GUCY1A2: variants seen among roughly 807,000 people sequenced by gnomAD.
GUCY1A2 encodes the protein guanylate cyclase 1 soluble subunit alpha 2.
Under a neutral mutation model 63.5 loss-of-function variants are expected in GUCY1A2, and 27 were observed. That is an observed-to-expected ratio of 0.43 (90% confidence interval 0.31 to 0.59). The LOEUF is 0.59. Among genes scored for constraint, GUCY1A2 ranks in the 20% least tolerant of loss-of-function variants. The pLI is 0.11. For synonymous variants in GUCY1A2, 364 were observed against 343.5 expected (o/e 1.06, Z -0.66); for missense variants, 768 against 913.3 (o/e 0.84, Z 2.05).
intron 4 of GUCY1A2, among the ~76,000 whole-genome samples, chr11:106,852,868 T>G (rs1285615833): frequency 6.6e-6 from 1 of 152,184 alleles, no homozygotes; most frequent in Non-Finnish European, 1.5e-5. Context: ...TGGAGTTGTT[T>G]TGACAGATTT....
At position 106,917,260 on chromosome 11, in the gene GUCY1A2, A is replaced by G. The variant is rs898234325; in HGVS notation, c.1206+22200T>C. 1.4e-5 allele frequency among the ~76,000 whole-genome samples: 2 copies of G among 144,956 alleles called. 1 individual carries two copies. The highest frequency in any genetic ancestry group is 3.1e-5 in the Non-Finnish European group (2 of 64,602). ...AAAGAGCATTTCAGACGAAACAAGC[A>G]GCATATTCAAAGGCCCTGTGGCAAC... On this transcript the variant is annotated intron_variant, in intron 4 of 7. Transcript: ENST00000526355.
chr11:106,912,816 A>G (rs542538867), intron 4 of GUCY1A2, among the ~76,000 whole-genome samples: 1 of 152,264 alleles, frequency 6.6e-6, no homozygotes, highest in South Asian at 2.1e-4. Flanking sequence ...CTGTTTCTCT[A>G]TTTGACTAAA....
Position 106,682,606 on chromosome 11 carries a change from A to G in GUCY1A2, c.*4943T>C, listed in dbSNP as rs1221532996. The G allele has an allele frequency of 9.4e-6, 2 of 212,830 alleles. No individual in the cohort carries two copies. Among genetic ancestry groups the G allele is most frequent in the Non-Finnish European group, 1.9e-5 (2 of 105,174 alleles). The allele number at this position is 212,830 out of a possible 1,614,324, so 13.2% of individuals were successfully genotyped here. A position where few individuals can be genotyped will look rare whatever the true frequency, so the allele number is the denominator to read the frequency against. On this transcript the variant is annotated 3_prime_UTR_variant, in exon 8 of 8. Coordinates refer to ENST00000526355, the MANE Select transcript of GUCY1A2 (RefSeq NM_000855.3). ...ATCTGGTTATAACATATTAGAAATA[A>G]AGACACAAACTTTACTTCTCTGCAT...
chr11:106,712,558 A>G (rs1228252797), intron 6 of GUCY1A2, among the ~76,000 whole-genome samples: 22 of 147,588 alleles, frequency 1.5e-4, no homozygotes, highest in Admixed American at 1.5e-3. Flanking sequence ...TGGATGCCAG[A>G]TATCATAAAT....
intron 1 of GUCY1A2, among the ~76,000 whole-genome samples, chr11:107,011,516 T>A (rs999564436): frequency 5.4e-5 from 8 of 147,104 alleles, no homozygotes; most frequent in African/African-American, 4.9e-5. Flanking sequence ...ATATAATATA[T>A]ATAAAATATA....
chr11:106,816,519 A>G (rs1858834221), intron 4 of GUCY1A2, among the ~76,000 whole-genome samples: 1 of 151,704 alleles, frequency 6.6e-6, no homozygotes, highest in African/African-American at 2.4e-5. Context: ...ATCACGAATC[A>G]ATAATCTAAG....
intron 6 of GUCY1A2, among the ~76,000 whole-genome samples, chr11:106,713,304 C>G (rs1863153636): frequency 6.6e-6 from 1 of 151,978 alleles, no homozygotes; most frequent in African/African-American, 2.4e-5. Flanking sequence ...TCCATATTGG[C>G]TGGAAGCAGA....
chr11:106,799,902 A>C (rs2135418036), intron 5 of GUCY1A2, among the ~76,000 whole-genome samples: 1 of 152,354 alleles, frequency 6.6e-6, no homozygotes, highest in Admixed American at 6.5e-5. Context: ...GGATCTAATT[A>C]AACTAAAGAG....
chr11:106,908,583 G>T (rs7125424), intron 4 of GUCY1A2, among the ~76,000 whole-genome samples: 5,618 of 150,582 alleles, frequency 0.037, 175 homozygotes, highest in African/African-American at 0.086. Flanking sequence ...CAGAGAGAGA[G>T]GATGATAAAG....
At chr11:106,920,173 A>G (rs1472852182) in intron 4 of GUCY1A2, among the ~76,000 whole-genome samples, 1 of 152,054 alleles carries the variant, frequency 6.6e-6, no homozygotes, top group East Asian at 1.9e-4. Context: ...ACACACACGC[A>G]CACACCAGGG....
Position 106,841,511 on chromosome 11 carries a change from C to T in GUCY1A2, c.1207-31033G>A, listed in dbSNP as rs570331766. On this transcript the variant is annotated intron_variant, in intron 4 of 7. Transcript: ENST00000526355. ...GCTTAATAAATATTGGCTGAATGAA[C>T]GAAATAAAGCATTCCATTCCATGTG... Among the ~76,000 whole-genome samples the T allele has an allele frequency of 1.1e-4, 16 of 151,872 alleles. No individual in the cohort carries two copies. In the East Asian group the frequency reaches 1.6e-3, roughly 15 times the overall value.
intron 4 of GUCY1A2, among the ~76,000 whole-genome samples, chr11:106,857,723 G>C (rs757290482): frequency 5.9e-5 from 9 of 152,140 alleles, no homozygotes; most frequent in Non-Finnish European, 1.0e-4. Flanking sequence ...AACATAGATA[G>C]ACTTTTTTCT....
chr11:106,736,198 A>C (rs12803679), intron 6 of GUCY1A2, among the ~76,000 whole-genome samples: 43,600 of 151,848 alleles, frequency 0.29, 6,607 homozygotes, highest in Non-Finnish European at 0.33. Flanking sequence ...TACTAATTGA[A>C]TCTTTTCCCA....
chr11:106,792,248 C>T (rs957891519), intron 5 of GUCY1A2, among the ~76,000 whole-genome samples: 6 of 151,794 alleles, frequency 4.0e-5, no homozygotes, highest in African/African-American at 1.5e-4. Flanking sequence ...TAGCCAGGCT[C>T]AGTGGTGGGT....
chr11:107,010,661 T>A (rs548566844), intron 1 of GUCY1A2, among the ~76,000 whole-genome samples: 17 of 151,898 alleles, frequency 1.1e-4, no homozygotes, highest in African/African-American at 4.1e-4. Context: ...CAAAAAAAAA[T>A]TAAACACAAA....
At chr11:106,750,750 GT>G in intron 6 of GUCY1A2, among the ~76,000 whole-genome samples, 1 of 151,026 alleles carries the variant, frequency 6.6e-6, no homozygotes. Flanking sequence ...AAAAAATTAT[GT>G]ATTTTCATCA....
chr11:106,936,692 C>A (rs546519592), intron 4 of GUCY1A2: 1 of 1,528,086 alleles, frequency 6.5e-7, no homozygotes, highest in African/African-American at 1.4e-5. Flanking sequence ...GCGTCAGATG[C>A]CCCTCGGTGA....
intron 6 of GUCY1A2, among the ~76,000 whole-genome samples, chr11:106,716,143 A>T (rs1159203980): frequency 6.6e-6 from 1 of 152,176 alleles, no homozygotes; most frequent in African/African-American, 2.4e-5. Flanking sequence ...CATTTTTGTA[A>T]CTGAAAGGAG....
intron 6 of GUCY1A2, among the ~76,000 whole-genome samples, chr11:106,721,566 C>A (rs1341900445): frequency 1.3e-5 from 2 of 152,138 alleles, no homozygotes; most frequent in Non-Finnish European, 2.9e-5. Context: ...TTGTTACCAA[C>A]ATTTATTCTG....
Sources: gnomAD v4.1 joint callset for allele counts (sites outside exome capture counted in the v4.1 genomes callset) on GRCh38, gnomAD v4.1.1 for gene constraint, MANE v1.5 for transcripts, NCBI Gene and HGNC (gene_info 2026-07-23, HGNC 2026-07-21) for gene names.